The following ABTB3 variants were observed in gnomAD, a reference collection of about 807,000 sequenced individuals.
The protein encoded by ABTB3 is ankyrin repeat- and BTB/POZ domain-containing protein 3.
the ABTB3 span, among the ~76,000 whole-genome samples, chr12:107,638,717 T>G: frequency 6.6e-6 from 1 of 152,232 alleles, no homozygotes; most frequent in Admixed American, 6.5e-5. Flanking sequence ...CTTTGCTAAG[T>G]GCTCTCCATA....
the ABTB3 span, among the ~76,000 whole-genome samples, chr12:107,640,050 G>A: frequency 2.6e-5 from 4 of 152,206 alleles, no homozygotes; most frequent in South Asian, 2.1e-4. Context: ...AAGGTGGGTG[G>A]GTGACTATAG....
At chr12:107,559,833 T>C in the ABTB3 span, among the ~76,000 whole-genome samples, 29 of 147,934 alleles carry the variant, frequency 2.0e-4, no homozygotes, top group Middle Eastern at 3.5e-3. Flanking sequence ...ATACCTACAA[T>C]AAAAGGTGCT....
chr12:107,478,295 G>C, the ABTB3 span, among the ~76,000 whole-genome samples: 1 of 152,148 alleles, frequency 6.6e-6, no homozygotes, highest in East Asian at 1.9e-4. Context: ...AAGGACAAAT[G>C]GTCTTGTTTG....
chr12:107,356,984 A>G, the ABTB3 span, among the ~76,000 whole-genome samples: 9 of 152,308 alleles, frequency 5.9e-5, no homozygotes, highest in Admixed American at 3.9e-4. Flanking sequence ...TCAGCTCAAC[A>G]CCTACTGATT....
the ABTB3 span, among the ~76,000 whole-genome samples, chr12:107,648,429 T>C: frequency 8.6e-6 from 1 of 116,294 alleles, no homozygotes; most frequent in South Asian, 2.6e-4. Context: ...CAATAGGAAG[T>C]AGAGGAGACT....
chr12:107,657,914 G>A, the ABTB3 span: 2 of 616,572 alleles, frequency 3.2e-6, no homozygotes, highest in Non-Finnish European at 5.7e-6. Context: ...TGGGTCCAGA[G>A]TTTAATGGGC....
the ABTB3 span, among the ~76,000 whole-genome samples, chr12:107,433,837 T>G: frequency 0.021 from 3,227 of 152,272 alleles, 120 homozygotes; most frequent in African/African-American, 0.073. Flanking sequence ...GAAACCTGTG[T>G]TACACAGTAA....
At chr12:107,459,580 C>A in the ABTB3 span, among the ~76,000 whole-genome samples, 1 of 152,136 alleles carries the variant, frequency 6.6e-6, no homozygotes, top group African/African-American at 2.4e-5. Flanking sequence ...TTGAGGAGAG[C>A]CCTGATGCAA....
chr12:107,635,441 C>A, the ABTB3 span: 5 of 1,548,274 alleles, frequency 3.2e-6, no homozygotes, highest in African/African-American at 4.1e-5. Flanking sequence ...GATTTAAGGA[C>A]GAGGAGCCAA....
chr12:107,639,764 C>T, the ABTB3 span, among the ~76,000 whole-genome samples: 1 of 152,200 alleles, frequency 6.6e-6, no homozygotes, highest in Non-Finnish European at 1.5e-5. Flanking sequence ...ATTCTGTGTG[C>T]CTCAGTTTCT....
chr12:107,581,387 T>A, the ABTB3 span: 1 of 1,178,224 alleles, frequency 8.5e-7, no homozygotes. Flanking sequence ...AGAGCCCCGC[T>A]GGGCGGCCTG....
the ABTB3 span, among the ~76,000 whole-genome samples, chr12:107,444,256 C>G: frequency 6.6e-6 from 1 of 152,202 alleles, no homozygotes; most frequent in Admixed American, 6.5e-5. Context: ...ACAGCATAGC[C>G]GAGGGGCTTA....
the ABTB3 span, among the ~76,000 whole-genome samples, chr12:107,383,421 C>T: frequency 3.9e-5 from 6 of 152,196 alleles, no homozygotes; most frequent in East Asian, 1.2e-3. Flanking sequence ...GCTTCCACTC[C>T]TTGCCAGCCA....
chr12:107,340,355 T>C, the ABTB3 span, among the ~76,000 whole-genome samples: 732 of 152,316 alleles, frequency 4.8e-3, 6 homozygotes, highest in African/African-American at 0.017. Context: ...ATTCTCTGAC[T>C]GAGGCATCTC....
At chr12:107,578,088 C>A in the ABTB3 span, among the ~76,000 whole-genome samples, 1 of 152,140 alleles carries the variant, frequency 6.6e-6, no homozygotes, top group African/African-American at 2.4e-5. Flanking sequence ...CCCTCGAATT[C>A]TTTCCCATCT....
the ABTB3 span, among the ~76,000 whole-genome samples, chr12:107,647,147 T>G: frequency 8.2e-3 from 1,248 of 152,126 alleles, 18 homozygotes; most frequent in African/African-American, 0.028. Flanking sequence ...CTGGGCAACA[T>G]AGCGAAATCC....
At chr12:107,537,168 T>TA in the ABTB3 span, among the ~76,000 whole-genome samples, 295 of 148,738 alleles carry the variant, frequency 2.0e-3, 2 homozygotes, top group South Asian at 0.014. Flanking sequence ...TATGGAATCT[T>TA]AAAAAAAAAA....
chr12:107,343,711 T>C, the ABTB3 span, among the ~76,000 whole-genome samples: 6 of 152,326 alleles, frequency 3.9e-5, no homozygotes, highest in Non-Finnish European at 7.3e-5. Context: ...AATTGACTTA[T>C]AGTTCTGCAT....
the ABTB3 span, among the ~76,000 whole-genome samples, chr12:107,456,778 G>A: frequency 6.6e-6 from 1 of 152,238 alleles, no homozygotes; most frequent in South Asian, 2.1e-4. Context: ...CACACAGCTA[G>A]GAGGTGACAG....
Sources: allele counts gnomAD v4.1 joint callset (sites outside exome capture counted in the v4.1 genomes callset), GRCh38; gene constraint gnomAD v4.1.1; transcripts MANE v1.5; gene names NCBI Gene and HGNC (gene_info 2026-07-23, HGNC 2026-07-21).